The following WWOX variants were observed in gnomAD, a reference collection of about 807,000 sequenced individuals.
WWOX encodes the protein WW domain containing oxidoreductase.
WWOX carries 69 observed loss-of-function variants against 46.2 expected under a neutral mutation model. The ratio of observed to expected loss-of-function variants is 1.49; its 90% CI spans 1.23 to 1.82. WWOX has a LOEUF of 1.82. Ranked by LOEUF, WWOX falls within the 40% of genes most tolerant of loss-of-function variation. The pLI, the probability that WWOX is intolerant of heterozygous loss-of-function variation, is 0.00. For missense variants in WWOX, 919 were observed against 542.6 expected (o/e 1.69, Z -6.89); for synonymous variants, 359 against 202.6 (o/e 1.77, Z -6.56).
intron 8 of WWOX, among the ~76,000 whole-genome samples, chr16:78,996,840 C>G (rs1282665520): frequency 6.6e-6 from 1 of 152,202 alleles, no homozygotes; most frequent in Non-Finnish European, 1.5e-5. Flanking sequence ...TGCAGAACAT[C>G]TCCCCGGCCT....
chr16:78,551,762 A>C (rs1447982763), intron 8 of WWOX: 1 of 151,658 alleles, frequency 6.6e-6, no homozygotes, highest in African/African-American at 2.4e-5. Flanking sequence ...TTCCTCCATC[A>C]GCTTTGTTTG....
chr16:78,665,298 T>C (rs1331059441), intron 8 of WWOX, among the ~76,000 whole-genome samples: 1 of 152,186 alleles, frequency 6.6e-6, no homozygotes, highest in Non-Finnish European at 1.5e-5. Context: ...GAGTTTTCAG[T>C]TATGCATGAC....
chr16:78,835,501 A>G (rs1171139444), intron 8 of WWOX, among the ~76,000 whole-genome samples: 2 of 152,240 alleles, frequency 1.3e-5, no homozygotes, highest in Non-Finnish European at 2.9e-5. Flanking sequence ...AGGTGGAGTG[A>G]TACTGAATAC....
At chr16:78,804,203 CCCT>C (rs1368240439) in intron 8 of WWOX, among the ~76,000 whole-genome samples, 1 of 152,042 alleles carries the variant, frequency 6.6e-6, no homozygotes, top group African/African-American at 2.4e-5. Context: ...GAACTGCAGT[CCCT>C]CCTCTATGCC....
At chr16:78,542,535 T>C (rs998529857) in intron 8 of WWOX, among the ~76,000 whole-genome samples, 2 of 152,152 alleles carry the variant, frequency 1.3e-5, no homozygotes, top group Non-Finnish European at 2.9e-5. Context: ...GAATGAAAAC[T>C]ATGCAACAGA....
At position 79,211,971 on chromosome 16, in the gene WWOX, C is replaced by T. The variant is rs151232564; in HGVS notation, c.*175C>T. ...AAGTACCAATGGGAAGCAGGGAATT[C>T]CTGGGGTAAAGTATCACTTTTCTGG... On this transcript the variant is annotated 3_prime_UTR_variant, in exon 9 of 9. Coordinates refer to ENST00000566780, the MANE Select transcript of WWOX (RefSeq NM_016373.4). The T allele has an allele frequency of 7.6e-5, 116 of 1,532,756 alleles. 2 individuals carry two copies. In the East Asian group the frequency reaches 2.8e-3, roughly 37 times the overall value. The allele number at this position is 1,532,756 out of a possible 1,614,324, so 94.9% of individuals were successfully genotyped here. A position where few individuals can be genotyped will look rare whatever the true frequency, so the allele number is the denominator to read the frequency against.
At chr16:78,686,284 G>A (rs1398974050) in intron 8 of WWOX, among the ~76,000 whole-genome samples, 1 of 152,108 alleles carries the variant, frequency 6.6e-6, no homozygotes, top group African/African-American at 2.4e-5. Context: ...GGCCGAGGCG[G>A]GCGGATCACG....
intron 8 of WWOX, among the ~76,000 whole-genome samples, chr16:79,053,320 C>A (rs111299030): frequency 6.6e-6 from 1 of 152,094 alleles, no homozygotes; most frequent in African/African-American, 2.4e-5. Flanking sequence ...CGAATGAAGC[C>A]GTTTTAATGT....
At chr16:78,475,875 T>G (rs902946720) in intron 8 of WWOX, among the ~76,000 whole-genome samples, 2 of 152,196 alleles carry the variant, frequency 1.3e-5, no homozygotes, top group Middle Eastern at 3.2e-3. Flanking sequence ...GATTACATTT[T>G]AAAACTCTAC....
At chr16:78,568,894 C>A (rs1440397889) in intron 8 of WWOX, among the ~76,000 whole-genome samples, 1 of 152,194 alleles carries the variant, frequency 6.6e-6, no homozygotes, top group Non-Finnish European at 1.5e-5. Context: ...TCAGTAGATG[C>A]ATCTAATAAT....
intron 8 of WWOX, among the ~76,000 whole-genome samples, chr16:79,094,346 T>G (rs1226281207): frequency 6.6e-6 from 1 of 151,162 alleles, no homozygotes; most frequent in Non-Finnish European, 1.5e-5. Flanking sequence ...CTCCAACTGG[T>G]TCAAGCAATT....
chr16:78,793,216 T>A (rs894147783), intron 8 of WWOX, among the ~76,000 whole-genome samples: 27 of 152,050 alleles, frequency 1.8e-4, no homozygotes, highest in Non-Finnish European at 3.4e-4. Flanking sequence ...GGGACCACAA[T>A]GCCCAGCTAA....
chr16:78,525,132 C>A (rs1162721983), intron 8 of WWOX: 3 of 150,002 alleles, frequency 2.0e-5, no homozygotes, highest in African/African-American at 7.4e-5. Flanking sequence ...TCTCCAAGTG[C>A]TGGGATTATA....
chr16:78,648,890 A>G (rs1382293606), intron 8 of WWOX, among the ~76,000 whole-genome samples: 1 of 152,124 alleles, frequency 6.6e-6, no homozygotes, highest in Non-Finnish European at 1.5e-5. Flanking sequence ...TTTTTACACT[A>G]GCTTTGCACT....
intron 8 of WWOX, among the ~76,000 whole-genome samples, chr16:78,581,343 A>T (rs555790561): frequency 6.6e-6 from 1 of 152,210 alleles, no homozygotes; most frequent in Non-Finnish European, 1.5e-5. Context: ...GCATAATTCA[A>T]AATTCAATTG....
At chr16:78,624,282 A>G (rs773330910) in intron 8 of WWOX, among the ~76,000 whole-genome samples, 7 of 150,146 alleles carry the variant, frequency 4.7e-5, no homozygotes, top group Non-Finnish European at 7.4e-5. Flanking sequence ...GTGGTAAAGG[A>G]CATGTATTTC....
intron 8 of WWOX, among the ~76,000 whole-genome samples, chr16:78,560,343 A>C (rs778345779): frequency 3.3e-5 from 5 of 152,214 alleles, no homozygotes; most frequent in Admixed American, 6.5e-5. Flanking sequence ...TATTATTACC[A>C]TCAAGAATAA....
At chr16:78,534,851 C>A (rs939442317) in intron 8 of WWOX, among the ~76,000 whole-genome samples, 5 of 152,014 alleles carry the variant, frequency 3.3e-5, no homozygotes, top group African/African-American at 1.2e-4. Flanking sequence ...GTAGCTGGGA[C>A]TACAGGTGCG....
At chr16:78,817,197 T>C (rs1269061336) in intron 8 of WWOX, among the ~76,000 whole-genome samples, 1 of 146,892 alleles carries the variant, frequency 6.8e-6, no homozygotes, top group East Asian at 2.0e-4. Flanking sequence ...TTTTTTTTTT[T>C]TTCCTTCTTC....
Sources: gnomAD v4.1 joint callset for allele counts (sites outside exome capture counted in the v4.1 genomes callset) on GRCh38, gnomAD v4.1.1 for gene constraint, MANE v1.5 for transcripts, NCBI Gene and HGNC (gene_info 2026-07-23, HGNC 2026-07-21) for gene names.